The following IL1R1 variants were observed in gnomAD, a reference collection of about 807,000 sequenced individuals.
IL1R1 encodes interleukin-1 receptor type 1.
IL1R1 carries 22 observed loss-of-function variants against 50.2 expected under a neutral mutation model. The observed-to-expected ratio is 0.44, with a 90% confidence interval of 0.31 to 0.63. The LOEUF is 0.63. IL1R1 is among the 20% of genes least tolerant of loss of function. The probability of loss-of-function intolerance (pLI) is 0.07; values close to 1 mark genes in which losing one functional copy is unlikely to be tolerated. For synonymous variants in IL1R1, 251 were observed against 236.7 expected (o/e 1.06, Z -0.55); for missense variants, 509 against 676.2 (o/e 0.75, Z 2.74).
chr2:102,148,603 A>G (rs965437305), intron 1 of IL1R1, among the ~76,000 whole-genome samples: 2 of 152,094 alleles, frequency 1.3e-5, no homozygotes, highest in Admixed American at 1.3e-4. Context: ...AAAAATAATA[A>G]CTCCCCTGAG....
chr2:102,124,192 T>C (rs1681560725), intron 1 of IL1R1, among the ~76,000 whole-genome samples: 1 of 151,922 alleles, frequency 6.6e-6, no homozygotes, highest in African/African-American at 2.4e-5. Flanking sequence ...GAGGCTGAGG[T>C]GGGCAGATTG....
At chr2:102,121,273 G>A (rs1482171603) in intron 1 of IL1R1, among the ~76,000 whole-genome samples, 1 of 152,154 alleles carries the variant, frequency 6.6e-6, no homozygotes, top group Non-Finnish European at 1.5e-5. Context: ...TTCTCTCCAG[G>A]CATCTTCTGT....
At chr2:102,118,512 G>A (rs904624838) in intron 1 of IL1R1, among the ~76,000 whole-genome samples, 1 of 152,144 alleles carries the variant, frequency 6.6e-6, no homozygotes, top group Non-Finnish European at 1.5e-5. Flanking sequence ...CAGACATATA[G>A]GTGACAACTT....
chr2:102,147,869 C>A lies in IL1R1; in HGVS notation c.-84+4849C>A, dbSNP rs527672249. ...ACCTCTTGGGAAATTTTTACTTTAT[C>A]TTCATATCCTTGTGCATCCTCAATG... On this transcript the variant is annotated intron_variant, in intron 1 of 11. Coordinates refer to ENST00000410023, the MANE Select transcript of IL1R1 (RefSeq NM_000877.4). Among the ~76,000 whole-genome samples the A allele has an allele frequency of 5.9e-5, 9 of 152,308 alleles. No individual in the cohort carries two copies. In the East Asian group the frequency reaches 1.7e-3, roughly 29 times the overall value.
chr2:102,097,906 A>G (rs1679974069), intron 1 of IL1R1, among the ~76,000 whole-genome samples: 1 of 152,066 alleles, frequency 6.6e-6, no homozygotes, highest in African/African-American at 2.4e-5. Context: ...TAAAAGAAAC[A>G]CATTCTAATA....
intron 1 of IL1R1, among the ~76,000 whole-genome samples, chr2:102,110,983 G>C (rs1401056100): frequency 2.6e-5 from 4 of 152,144 alleles, no homozygotes; most frequent in Admixed American, 2.6e-4. Context: ...GCATGAGAAG[G>C]AGCCAGCCAG....
At chr2:102,129,388 A>T (rs945968447) in intron 1 of IL1R1, among the ~76,000 whole-genome samples, 2 of 152,222 alleles carry the variant, frequency 1.3e-5, no homozygotes, top group African/African-American at 2.4e-5. Flanking sequence ...TGTCTAAATC[A>T]TGGTCAGGAA....
At chr2:102,072,907 T>G (rs1678795169) in intron 1 of IL1R1, among the ~76,000 whole-genome samples, 1 of 152,222 alleles carries the variant, frequency 6.6e-6, no homozygotes, top group Admixed American at 6.5e-5. Flanking sequence ...CACAGCCCAC[T>G]GACTGAAGGC....
Position 102,172,713 on chromosome 2 carries a change from G to A in IL1R1, c.866G>A (p.Arg289Lys). 4 of 1,609,240 alleles carry A rather than the reference G, an allele frequency of 2.5e-6. No homozygotes were observed. Among genetic ancestry groups the A allele is most frequent in the Non-Finnish European group, 3.4e-6 (4 of 1,178,048 alleles). Reference protein sequence around the residue: ...YSVENPANKRRSTLITVLNIS... With the variant: ...YSVENPANKRKSTLITVLNIS... ...GTGGAAAATCCTGCAAACAAAAGAAGGAGTACCCTCATCACAGTGCTTAAT... is the reference window on the plus strand; with the variant it reads ...GTGGAAAATCCTGCAAACAAAAGAAAGAGTACCCTCATCACAGTGCTTAAT... The change falls in exon 9 of 12, where the codon AGG becomes AAG. Residue 289 changes from arginine to lysine, a missense_variant. By Grantham distance (26) the Arg-to-Lys change is conservative. Coordinates refer to ENST00000410023, the MANE Select transcript of IL1R1 (RefSeq NM_000877.4).
At chr2:102,112,238 A>T (rs1193305844) in intron 1 of IL1R1, among the ~76,000 whole-genome samples, 1 of 151,832 alleles carries the variant, frequency 6.6e-6, no homozygotes, top group East Asian at 1.9e-4. Context: ...ATTGTTGATC[A>T]GACACTCAGG....
chr2:102,087,531 A>G (rs538426594), intron 1 of IL1R1, among the ~76,000 whole-genome samples: 84 of 152,282 alleles, frequency 5.5e-4, no homozygotes, highest in African/African-American at 2.0e-3. Flanking sequence ...TCTAATGTCA[A>G]ATTGTAATTC....
At chr2:102,073,218 G>A (rs1021488038) in intron 1 of IL1R1, among the ~76,000 whole-genome samples, 2 of 152,162 alleles carry the variant, frequency 1.3e-5, no homozygotes, top group African/African-American at 4.8e-5. Context: ...TGAGGGTTCA[G>A]GGCATCATTC....
At chr2:102,093,289 T>C (rs968387073) in intron 1 of IL1R1, among the ~76,000 whole-genome samples, 2 of 152,240 alleles carry the variant, frequency 1.3e-5, no homozygotes, top group Non-Finnish European at 2.9e-5. Flanking sequence ...ATCTAGCTTA[T>C]GTTATTGAGA....
chr2:102,071,921 A>G (rs1559446588), intron 1 of IL1R1, among the ~76,000 whole-genome samples: 1 of 152,176 alleles, frequency 6.6e-6, no homozygotes. Context: ...ATGGGCCCTT[A>G]GAATTGGTCC....
chr2:102,082,047 C>T (rs1338531629), intron 1 of IL1R1, among the ~76,000 whole-genome samples: 1 of 152,188 alleles, frequency 6.6e-6, no homozygotes, highest in Non-Finnish European at 1.5e-5. Flanking sequence ...GCTGCTAAGT[C>T]AGTTGATGTG....
At chr2:102,116,320 T>G (rs1559470565) in intron 1 of IL1R1, among the ~76,000 whole-genome samples, 1 of 152,140 alleles carries the variant, frequency 6.6e-6, no homozygotes. Flanking sequence ...TGGAAAGAAG[T>G]GTGGATGTTA....
rs56391359 is a variant in IL1R1 at position 102,074,619 on chromosome 2, A to G, written c.-84+4086A>G. On this transcript the variant is annotated intron_variant, in intron 1 of 11. Transcript: ENST00000409929. ...CAAATTCAAGCTGGGAGGAAAACAA[A>G]CTTCCTCTTTCAAAGGCGAAAGTGA... 7.6e-3 allele frequency among the ~76,000 whole-genome samples: 1,163 copies of G among 152,282 alleles called. 15 individuals are homozygous for G. The highest frequency in any genetic ancestry group is 0.027 in the African/African-American group (1,115 of 41,548).
At chr2:102,072,255 G>C (rs1465746056) in intron 1 of IL1R1, among the ~76,000 whole-genome samples, 1 of 145,274 alleles carries the variant, frequency 6.9e-6, no homozygotes, top group Non-Finnish European at 1.5e-5. Context: ...GCAAGACTCT[G>C]TGTCACCAAA....
At chr2:102,108,892 G>C (rs2104358984) in intron 1 of IL1R1, among the ~76,000 whole-genome samples, 1 of 151,218 alleles carries the variant, frequency 6.6e-6, no homozygotes, top group African/African-American at 2.4e-5. Context: ...TCAGTGCTGG[G>C]CTGCAAAAAT....
Sources: gnomAD v4.1 joint callset for allele counts (sites outside exome capture counted in the v4.1 genomes callset) on GRCh38, gnomAD v4.1.1 for gene constraint, MANE v1.5 for transcripts, NCBI Gene and HGNC (gene_info 2026-07-23, HGNC 2026-07-21) for gene names.